The following KIAA0825 variants were observed in gnomAD, a reference collection of about 807,000 sequenced individuals.
KIAA0825 encodes KIAA0825.
In KIAA0825, 119 loss-of-function variants were observed where a neutral mutation model predicts 147.6. The observed-to-expected ratio is 0.81, with a 90% confidence interval of 0.69 to 0.94. The LOEUF is 0.94. KIAA0825 is among the 40% of genes least tolerant of loss of function. The pLI is 0.00. For missense variants in KIAA0825, 1,381 were observed against 1,472.7 expected (o/e 0.94, Z 1.02); for synonymous variants, 470 against 518.1 (o/e 0.91, Z 1.26).
chr5:94,478,110 C>T (rs146892988), intron 6 of KIAA0825, among the ~76,000 whole-genome samples: 1 of 152,220 alleles, frequency 6.6e-6, no homozygotes, highest in Non-Finnish European at 1.5e-5. Flanking sequence ...TAGAGTCATC[C>T]AGTAGATGCG....
At position 94,403,757 on chromosome 5, in the gene KIAA0825, CG is replaced by C; in HGVS notation, c.2698del (p.Arg900AspfsTer3). The C allele has an allele frequency of 6.4e-7, 1 of 1,551,462 alleles. No individual in the cohort carries two copies. The highest frequency in any genetic ancestry group is 8.7e-7 in the Non-Finnish European group (1 of 1,146,886). On this transcript the variant is annotated frameshift_variant, in exon 16 of 21. Coordinates refer to ENST00000682413, the MANE Select transcript of KIAA0825 (RefSeq NM_001145678.3). LOFTEE classifies it high-confidence loss of function. ...ATCGGTCAGTGCCAGTCTCAAGCAT[CG>C]GATGACCTCTAGCTCGTACTCCACG... ...TCVEYELEVI[R>X]CLRLALTDAI...
chr5:94,547,356 G>T (rs1774609283), intron 2 of KIAA0825, among the ~76,000 whole-genome samples: 1 of 152,044 alleles, frequency 6.6e-6, no homozygotes, highest in Non-Finnish European at 1.5e-5. Context: ...TCAAGTTCAA[G>T]AAGGTTATAG....
chr5:94,373,262 G>T (rs913041658), intron 20 of KIAA0825, among the ~76,000 whole-genome samples: 1 of 152,040 alleles, frequency 6.6e-6, no homozygotes, highest in Non-Finnish European at 1.5e-5. Context: ...TTCCAAAGTC[G>T]CTTCCACATT....
chr5:94,251,271 T>G (rs1775947239), intron 20 of KIAA0825, among the ~76,000 whole-genome samples: 1 of 152,090 alleles, frequency 6.6e-6, no homozygotes, highest in African/African-American at 2.4e-5. Context: ...CATCTTAATA[T>G]AATGAGCCTT....
chr5:94,366,779 T>C (rs1356723160), intron 20 of KIAA0825, among the ~76,000 whole-genome samples: 1 of 152,234 alleles, frequency 6.6e-6, no homozygotes, highest in Non-Finnish European at 1.5e-5. Flanking sequence ...AGGCCATTTT[T>C]ACTTCTTGCA....
chr5:94,175,196 C>T (rs1462082400), intron 20 of KIAA0825, among the ~76,000 whole-genome samples: 2 of 152,148 alleles, frequency 1.3e-5, no homozygotes, highest in Non-Finnish European at 2.9e-5. Flanking sequence ...TCCCAATTAG[C>T]TCACCCATTA....
At chr5:94,255,135 A>G (rs894027263) in intron 20 of KIAA0825, among the ~76,000 whole-genome samples, 1 of 151,106 alleles carries the variant, frequency 6.6e-6, no homozygotes, top group Non-Finnish European at 1.5e-5. Flanking sequence ...CTAGATATTA[A>G]TAAATATTTA....
At chr5:94,545,393 C>A (rs962190776) in intron 2 of KIAA0825, among the ~76,000 whole-genome samples, 1 of 152,072 alleles carries the variant, frequency 6.6e-6, no homozygotes, top group African/African-American at 2.4e-5. Flanking sequence ...TAAGGGAGTG[C>A]TTGTGCCACC....
At chr5:94,528,691 A>G (rs548573845) in intron 3 of KIAA0825, among the ~76,000 whole-genome samples, 1 of 152,270 alleles carries the variant, frequency 6.6e-6, no homozygotes, top group South Asian at 2.1e-4. Context: ...GCACAGGGCT[A>G]TGTTAATAAT....
Position 94,471,795 on chromosome 5 carries a change from C to T in KIAA0825, c.1456-64G>A, listed in dbSNP as rs1761239212. The T allele has an allele frequency of 4.2e-6, 6 of 1,416,234 alleles. No individual in the cohort carries two copies. The Admixed American group carries it at 1.4e-4, about 32-fold the overall frequency. The allele number at this position is 1,416,234 out of a possible 1,614,324, so 87.7% of individuals were successfully genotyped here. A position where few individuals can be genotyped will look rare whatever the true frequency, so the allele number is the denominator to read the frequency against. ...CTGACAGCACCAAGTAATTTATGGA[C>T]AGTGGAGCCAAATTCCTAAATAATG... On this transcript the variant is annotated intron_variant, in intron 8 of 20. Transcript: ENST00000682413.
intron 20 of KIAA0825, among the ~76,000 whole-genome samples, chr5:94,238,683 C>A (rs1290388160): frequency 6.6e-6 from 1 of 152,082 alleles, no homozygotes; most frequent in Admixed American, 6.5e-5. Context: ...CATTTCACCA[C>A]GAGCGAAGCC....
chr5:94,501,973 C>A (rs537560377), intron 5 of KIAA0825, among the ~76,000 whole-genome samples: 22 of 152,092 alleles, frequency 1.4e-4, no homozygotes, highest in African/African-American at 5.3e-4. Flanking sequence ...AAGAATAATG[C>A]AGATCATTCT....
chr5:94,277,309 G>A (rs1343845065), intron 20 of KIAA0825, among the ~76,000 whole-genome samples: 2 of 152,094 alleles, frequency 1.3e-5, no homozygotes, highest in Non-Finnish European at 2.9e-5. Flanking sequence ...ACTATCATCA[G>A]AGTGAACAGG....
chr5:94,531,531 C>A (rs1005002482), intron 3 of KIAA0825, among the ~76,000 whole-genome samples: 1 of 152,068 alleles, frequency 6.6e-6, no homozygotes, highest in Non-Finnish European at 1.5e-5. Flanking sequence ...CTGCTGAAGC[C>A]CAGGATGCTG....
At chr5:94,509,824 C>A (rs528482805) in intron 5 of KIAA0825, among the ~76,000 whole-genome samples, 1 of 152,254 alleles carries the variant, frequency 6.6e-6, no homozygotes, top group South Asian at 2.1e-4. Flanking sequence ...CTAACTAGAA[C>A]CATACATCAT....
At chr5:94,284,149 A>G (rs575428504) in intron 20 of KIAA0825, among the ~76,000 whole-genome samples, 36 of 152,284 alleles carry the variant, frequency 2.4e-4, no homozygotes, top group Non-Finnish European at 3.4e-4. Context: ...AATGATGTTA[A>G]TGCGACATGA....
At chr5:94,469,873 C>T (rs779034249) in intron 10 of KIAA0825, 88 bp downstream of exon 10, 4 of 1,073,556 alleles carry the variant, frequency 3.7e-6, no homozygotes, top group South Asian at 2.3e-5. Flanking sequence ...TTAGTAATGC[C>T]AAGCTCATGT....
intron 20 of KIAA0825, among the ~76,000 whole-genome samples, chr5:94,270,145 C>G (rs1298945549): frequency 1.3e-5 from 2 of 151,996 alleles, no homozygotes; most frequent in African/African-American, 4.8e-5. Flanking sequence ...GAGATTGAAG[C>G]TGTAATAAAA....
intron 20 of KIAA0825, among the ~76,000 whole-genome samples, chr5:94,237,511 C>T (rs1391568274): frequency 6.6e-6 from 1 of 152,144 alleles, no homozygotes; most frequent in Non-Finnish European, 1.5e-5. Context: ...GGAGCCCTCC[C>T]GTCAAACGCC....
Sources: gnomAD v4.1 joint callset for allele counts (sites outside exome capture counted in the v4.1 genomes callset) on GRCh38, gnomAD v4.1.1 for gene constraint, MANE v1.5 for transcripts, NCBI Gene and HGNC (gene_info 2026-07-23, HGNC 2026-07-21) for gene names.